The following PPARGC1A variants were observed in gnomAD, a reference collection of about 807,000 sequenced individuals.
PPARGC1A encodes the protein peroxisome proliferator-activated receptor gamma coactivator 1-alpha.
PPARGC1A carries 25 observed loss-of-function variants against 88.7 expected under a neutral mutation model. That is an observed-to-expected ratio of 0.28 (90% CI 0.21 to 0.39). PPARGC1A has a LOEUF of 0.39. PPARGC1A is among the 10% of genes least tolerant of loss of function. The pLI, the probability that PPARGC1A is intolerant of heterozygous loss-of-function variation, is 1.00. For missense variants in PPARGC1A, 880 were observed against 968.7 expected, an observed-to-expected ratio of 0.91 and a Z score of 1.22; for synonymous variants, 363 against 355.6, an observed-to-expected ratio of 1.02 and a Z score of -0.24.
chr4:24,076,600 G>T, the PPARGC1A span, among the ~76,000 whole-genome samples: 1 of 152,086 alleles, frequency 6.6e-6, no homozygotes, highest in Non-Finnish European at 1.5e-5. Context: ...TGCCAAGCCT[G>T]GGGGGCTGGA....
At chr4:24,329,780 C>T in the PPARGC1A span, among the ~76,000 whole-genome samples, 167 of 152,292 alleles carry the variant, frequency 1.1e-3, no homozygotes, top group African/African-American at 3.5e-3. Flanking sequence ...CTGAATATTT[C>T]GTAGGTCAAA....
intron 2 of PPARGC1A, among the ~76,000 whole-genome samples, chr4:23,839,210 C>A (rs1022190768): frequency 6.6e-6 from 1 of 152,054 alleles, no homozygotes; most frequent in African/African-American, 2.4e-5. Flanking sequence ...GTACTGTACA[C>A]GTGAAATTCA....
At chr4:24,330,448 C>T in the PPARGC1A span, among the ~76,000 whole-genome samples, 1 of 152,182 alleles carries the variant, frequency 6.6e-6, no homozygotes. Flanking sequence ...TTCCAGCCCC[C>T]AGCTGTTGCA....
At chr4:24,466,775 G>A in the PPARGC1A span, among the ~76,000 whole-genome samples, 230 of 151,046 alleles carry the variant, frequency 1.5e-3, no homozygotes, top group African/African-American at 5.2e-3. Flanking sequence ...TTAGCCAGGC[G>A]TTGTGGCGTG....
At chr4:24,238,574 C>T in the PPARGC1A span, among the ~76,000 whole-genome samples, 1 of 152,078 alleles carries the variant, frequency 6.6e-6, no homozygotes, top group East Asian at 1.9e-4. Context: ...TTGCAGCACT[C>T]CTGTATGTGA....
At chr4:24,001,080 G>A in the PPARGC1A span, among the ~76,000 whole-genome samples, 1 of 152,060 alleles carries the variant, frequency 6.6e-6, no homozygotes, top group African/African-American at 2.4e-5. Flanking sequence ...TGGCAATAAA[G>A]GCATGTTTTT....
the PPARGC1A span, among the ~76,000 whole-genome samples, chr4:24,052,917 G>A: frequency 8.1e-6 from 1 of 123,058 alleles, no homozygotes; most frequent in Non-Finnish European, 1.6e-5. Context: ...AGGCTGAAGT[G>A]CAGTGGTGCT....
At chr4:24,306,754 AG>A in the PPARGC1A span, among the ~76,000 whole-genome samples, 8 of 152,248 alleles carry the variant, frequency 5.3e-5, no homozygotes, top group Non-Finnish European at 1.2e-4. Context: ...TTTGACCTGC[AG>A]GTCATAGCTT....
At chr4:24,100,492 G>A in the PPARGC1A span, among the ~76,000 whole-genome samples, 3 of 152,100 alleles carry the variant, frequency 2.0e-5, no homozygotes, top group Admixed American at 2.0e-4. Flanking sequence ...CAACACCTTC[G>A]ACATACGTGG....
At chr4:23,836,406 G>A (rs1011618036) in intron 2 of PPARGC1A, among the ~76,000 whole-genome samples, 1 of 152,188 alleles carries the variant, frequency 6.6e-6, no homozygotes, top group Non-Finnish European at 1.5e-5. Flanking sequence ...CTGTGTGACT[G>A]TAACACCTTA....
At chr4:24,219,033 T>C in the PPARGC1A span, among the ~76,000 whole-genome samples, 2 of 152,178 alleles carry the variant, frequency 1.3e-5, no homozygotes, top group African/African-American at 4.8e-5. Context: ...ATTAAAACAA[T>C]TGTAGTGCTA....
the PPARGC1A span, among the ~76,000 whole-genome samples, chr4:24,455,290 G>T: frequency 6.6e-6 from 1 of 152,074 alleles, no homozygotes; most frequent in South Asian, 2.1e-4. Context: ...AGACCAGCCT[G>T]GGCAACATAG....
At chr4:24,317,555 T>TAAAAAAAAA in the PPARGC1A span, among the ~76,000 whole-genome samples, 134 of 22,216 alleles carry the variant, frequency 6.0e-3, 47 homozygotes, top group Non-Finnish European at 0.012. Flanking sequence ...TTCAGAGGAC[T>TAAAAAAAAA]AAAAAAAAAA....
the PPARGC1A span, among the ~76,000 whole-genome samples, chr4:23,925,104 G>C: frequency 6.6e-6 from 1 of 152,162 alleles, no homozygotes; most frequent in South Asian, 2.1e-4. Context: ...CAAAATATGG[G>C]TCTGAAAGCA....
chr4:24,422,905 G>A, the PPARGC1A span, among the ~76,000 whole-genome samples: 3 of 152,172 alleles, frequency 2.0e-5, no homozygotes, highest in Admixed American at 6.5e-5. Context: ...TAATCCACAG[G>A]TCAGCAGTAT....
the PPARGC1A span, among the ~76,000 whole-genome samples, chr4:24,408,802 C>A: frequency 6.6e-6 from 1 of 152,150 alleles, no homozygotes; most frequent in South Asian, 2.1e-4. Context: ...ACATTAGAGA[C>A]CCCAGACGAA....
the PPARGC1A span, among the ~76,000 whole-genome samples, chr4:24,087,062 A>C: frequency 6.6e-6 from 1 of 152,230 alleles, no homozygotes; most frequent in African/African-American, 2.4e-5. Flanking sequence ...AAGATACCTC[A>C]ACAGACACAG....
At chr4:24,369,121 A>G in the PPARGC1A span, among the ~76,000 whole-genome samples, 3 of 152,154 alleles carry the variant, frequency 2.0e-5, no homozygotes, top group Admixed American at 6.5e-5. Flanking sequence ...CAAATTTGAG[A>G]TCAGCATTAC....
chr4:23,863,731 T>C (rs1044852490), intron 2 of PPARGC1A, among the ~76,000 whole-genome samples: 10 of 152,200 alleles, frequency 6.6e-5, no homozygotes, highest in Non-Finnish European at 5.9e-5. Flanking sequence ...TCTCTACACC[T>C]TGAAGATCTG....
Sources: allele counts gnomAD v4.1 joint callset (sites outside exome capture counted in the v4.1 genomes callset), GRCh38; gene constraint gnomAD v4.1.1; transcripts MANE v1.5; gene names NCBI Gene and HGNC (gene_info 2026-07-23, HGNC 2026-07-21).